Variants in ARHGAP1 observed in about 807,000 individuals in gnomAD.
ARHGAP1 encodes the protein Rho GTPase activating protein 1, also known as rho GTPase-activating protein 1.
Under a neutral mutation model 52.2 loss-of-function variants are expected in ARHGAP1, and 23 were observed. The ratio of observed to expected loss-of-function variants is 0.44; its 90% CI spans 0.32 to 0.62. The LOEUF (loss-of-function observed/expected upper bound fraction) is 0.62. Among genes scored for constraint, ARHGAP1 ranks in the 20% least tolerant of loss-of-function variants. The probability of loss-of-function intolerance (pLI) is 0.05; values close to 1 mark genes in which losing one functional copy is unlikely to be tolerated. For missense variants in ARHGAP1, 480 were observed against 560.9 expected (o/e 0.86, Z 1.46); for synonymous variants, 210 against 228.4 (o/e 0.92, Z 0.73).
chr11:46,679,596 C>T lies in ARHGAP1; in HGVS notation c.1027+52G>A, dbSNP rs992036453. 1.5e-5 allele frequency: 24 copies of T among 1,611,366 alleles called. No homozygotes were observed. Among genetic ancestry groups the T allele is most frequent in the South Asian group, 7.7e-5 (7 of 90,958 alleles). The stretch of plus-strand genomic sequence containing the variant: ...GGCGCCTAGGCCCGAAAGCCTGCAG[C>T]GCACCTGCCCCAAGTCCAGCCCCAG... On this transcript the variant is annotated intron_variant, in intron 11 of 12. Transcript: ENST00000311956. The surrounding 1 kb of genome is among the most constrained non-coding windows in gnomAD (Gnocchi z 4.4).
Position 46,688,259 on chromosome 11 carries a change from T to G in ARHGAP1, c.231A>C (p.Gly77=). The G allele has an allele frequency of 6.2e-7, 1 of 1,613,338 alleles. No individual in the cohort carries two copies. Among genetic ancestry groups the G allele is most frequent in the Non-Finnish European group, 8.5e-7 (1 of 1,179,646 alleles). Residue 77 remains glycine (G), a splice_region_variant and synonymous_variant, in exon 4 of 13, where the codon GGA becomes GGC. Transcript: ENST00000311956. ...IARHQIVEVA[G]DDKYGRKIIV... ...TGATCTTCCGCCCATACTTGTCATC[T>G]CCTAGGTGTGGAGAAAGATGGAGCA...
At position 46,681,143 on chromosome 11, in the gene ARHGAP1, G is replaced by A; in HGVS notation, c.537-34C>T. The A allele has an allele frequency of 3.8e-6, 6 of 1,595,586 alleles. No individual in the cohort carries two copies. Among genetic ancestry groups the A allele is most frequent in the Non-Finnish European group, 5.2e-6 (6 of 1,163,266 alleles). On this transcript the variant is annotated intron_variant, in intron 6 of 12. Transcript: ENST00000311956. The surrounding 1 kb of genome is among the most constrained non-coding windows in gnomAD (Gnocchi z 5.7). ...GGAAGAAAGGGCCTGGGTTGTGGGGGCCCGCTTCCGGTGGCCTCCACTCTC... is the reference window on the plus strand; with the variant it reads ...GGAAGAAAGGGCCTGGGTTGTGGGGACCCGCTTCCGGTGGCCTCCACTCTC...
intron 3 of ARHGAP1, chr11:46,695,261 G>A (rs1300527563): frequency 9.3e-5 from 33 of 354,042 alleles, no homozygotes; most frequent in South Asian, 5.6e-4. Context: ...ACTTCCCTAG[G>A]GCTACAATTT....
rs1345239193 is a variant in ARHGAP1, at chr11:46,678,909, G to T, written c.*128C>A. On this transcript the variant is annotated 3_prime_UTR_variant, in exon 13 of 13. Coordinates refer to ENST00000311956, the MANE Select transcript of ARHGAP1 (RefSeq NM_004308.5). Reference sequence around the variant, plus strand: ...GGGCCGTGAGGCGGGCTGGACAGAGGTGGGGGAGAGCATGCCTGATGGGTG... The same window carrying T: ...GGGCCGTGAGGCGGGCTGGACAGAGTTGGGGGAGAGCATGCCTGATGGGTG... 6 of 1,092,340 alleles carry T rather than the reference G, an allele frequency of 5.5e-6. No individual in the cohort carries two copies. Among genetic ancestry groups the T allele is most frequent in the Non-Finnish European group, 3.9e-6 (3 of 769,850 alleles). The allele number at this position is 1,092,340 out of a possible 1,614,324, so 67.7% of individuals were successfully genotyped here. A position where few individuals can be genotyped will look rare whatever the true frequency, so the allele number is the denominator to read the frequency against.
chr11:46,695,892 C>A (rs1007066951), intron 2 of ARHGAP1, 83 bp downstream of exon 2: 59 of 1,607,292 alleles, frequency 3.7e-5, no homozygotes, highest in Non-Finnish European at 4.7e-5. Context: ...CCCCATCCTG[C>A]CCTCCTGGCG....
intron 3 of ARHGAP1, 70 bp downstream of exon 3, chr11:46,695,590 T>G: frequency 1.4e-6 from 2 of 1,416,480 alleles, no homozygotes; most frequent in African/African-American, 1.4e-5. Flanking sequence ...CCTTCCCCTG[T>G]GGTGTGAAGG....
chr11:46,684,278 A>G (rs1048100709), intron 4 of ARHGAP1, among the ~76,000 whole-genome samples: 3 of 152,250 alleles, frequency 2.0e-5, no homozygotes, highest in African/African-American at 7.2e-5. Context: ...AATAGCAAAG[A>G]TTGTAGTGAA....
chr11:46,681,165 T>C lies in ARHGAP1; in HGVS notation c.537-56A>G, dbSNP rs2064524658. On this transcript the variant is annotated intron_variant, in intron 6 of 12. Coordinates refer to ENST00000311956, the MANE Select transcript of ARHGAP1 (RefSeq NM_004308.5). The surrounding 1 kb of genome is among the most constrained non-coding windows in gnomAD (Gnocchi z 5.7). Reference sequence around the variant, plus strand: ...GGGGCCCGCTTCCGGTGGCCTCCACTCTCCCCTCAACACCCACCCAGTTCA... The same window carrying C: ...GGGGCCCGCTTCCGGTGGCCTCCACCCTCCCCTCAACACCCACCCAGTTCA... 1 of 1,559,156 alleles carries C rather than the reference T, an allele frequency of 6.4e-7. No individual in the cohort carries two copies. The highest frequency in any genetic ancestry group is 8.8e-7 in the Non-Finnish European group (1 of 1,130,296).
chr11:46,678,931 G>T lies in ARHGAP1; in HGVS notation c.*106C>A. 7.8e-7 allele frequency: 1 copy of T among 1,283,634 alleles called. No homozygotes were observed. Among genetic ancestry groups the T allele is most frequent in the South Asian group, 1.4e-5 (1 of 69,646 alleles). 79.5% of individuals were successfully genotyped at this position (1,283,634 alleles called of 1,614,324 possible). ...GAGGTGGGGGAGAGCATGCCTGATG[G>T]GTGGCTCCAACATCTCTCTCCAGGG... is the stretch of plus-strand genomic sequence containing the variant. On this transcript the variant is annotated 3_prime_UTR_variant, in exon 13 of 13. Transcript: ENST00000311956.
At chr11:46,685,329 C>CT (rs56789699) in intron 4 of ARHGAP1, among the ~76,000 whole-genome samples, 16,917 of 135,664 alleles carry the variant, frequency 0.12, 1,703 homozygotes, top group East Asian at 0.59. Flanking sequence ...CATGTATATT[C>CT]TTTTTTTTTT....
Position 46,680,958 on chromosome 11 carries a change from C to T in ARHGAP1, c.635+53G>A, listed in dbSNP as rs2064521270. 3 of 1,504,512 alleles carry T rather than the reference C, an allele frequency of 2.0e-6. No homozygotes were observed. The highest frequency in any genetic ancestry group is 3.3e-5 in the Admixed American group (2 of 59,762). The allele number at this position is 1,504,512 out of a possible 1,614,324, so 93.2% of individuals were successfully genotyped here. A position where few individuals can be genotyped will look rare whatever the true frequency, so the allele number is the denominator to read the frequency against. ...CCCACGCGGTCTCTGAATCAGGACA[C>T]ACGTCCTCATTACCCTGGCTTCACG... On this transcript the variant is annotated intron_variant, in intron 7 of 12. Transcript: ENST00000311956. This position sits in a 1 kb window ranked among gnomAD's most constrained non-coding sequence, Gnocchi z 5.9.
Position 46,680,100 on chromosome 11 carries a change from C to T in ARHGAP1, c.898+105G>A. On this transcript the variant is annotated intron_variant, in intron 10 of 12. Coordinates refer to ENST00000311956, the MANE Select transcript of ARHGAP1 (RefSeq NM_004308.5). The surrounding 1 kb of genome is among the most constrained non-coding windows in gnomAD (Gnocchi z 5.9). ...TGACACCCAGAGCCACGGAAACCTC[C>T]AGCAGGAAGAGACTCTGAGACTCTC... is the stretch of plus-strand genomic sequence containing the variant. The T allele has an allele frequency of 7.3e-7, 1 of 1,368,570 alleles. No homozygotes were observed. The allele number at this position is 1,368,570 out of a possible 1,614,324, so 84.8% of individuals were successfully genotyped here.
intron 4 of ARHGAP1, among the ~76,000 whole-genome samples, chr11:46,683,366 T>C (rs1460597574): frequency 2.0e-5 from 3 of 151,882 alleles, no homozygotes; most frequent in African/African-American, 4.8e-5. Flanking sequence ...TTCTTGACCA[T>C]GGGACAGCTT....
intron 4 of ARHGAP1, among the ~76,000 whole-genome samples, chr11:46,686,280 G>GGAGCCACAAGAGACTTGTGGCGCC (rs1191004154): frequency 6.6e-6 from 1 of 151,560 alleles, no homozygotes; most frequent in East Asian, 2.0e-4. Flanking sequence ...CGCTGGACGA[G>GGAGCCACAAGAGACTTGTGGCGCC]GAGCCACAAG....
chr11:46,683,643 C>CT (rs199922376), intron 4 of ARHGAP1, among the ~76,000 whole-genome samples: 242 of 144,336 alleles, frequency 1.7e-3, no homozygotes, highest in East Asian at 4.3e-3. Context: ...AAGCCCTCTC[C>CT]TTTTTTTTTT....
chr11:46,683,768 G>A (rs2064546838), intron 4 of ARHGAP1, among the ~76,000 whole-genome samples: 1 of 152,024 alleles, frequency 6.6e-6, no homozygotes, highest in African/African-American at 2.4e-5. Context: ...AGCCTCCCAA[G>A]TAGCTGGGAT....
intron 3 of ARHGAP1, among the ~76,000 whole-genome samples, chr11:46,692,791 G>A (rs571956138): frequency 2.6e-5 from 4 of 151,730 alleles, no homozygotes; most frequent in Admixed American, 6.6e-5. Context: ...GGGTTCAAAC[G>A]ATTCTCCTGC....
chr11:46,679,925 C>A lies in ARHGAP1; in HGVS notation c.899-149G>T, dbSNP rs2064510808. 5 of 1,280,900 alleles carry A rather than the reference C, an allele frequency of 3.9e-6. No individual in the cohort carries two copies. Among genetic ancestry groups the A allele is most frequent in the African/African-American group, 1.5e-5 (1 of 66,984 alleles). 79.3% of individuals were successfully genotyped at this position (1,280,900 alleles called of 1,614,324 possible). On this transcript the variant is annotated intron_variant, in intron 10 of 12. Coordinates refer to ENST00000311956, the MANE Select transcript of ARHGAP1 (RefSeq NM_004308.5). This position sits in a 1 kb window ranked among gnomAD's most constrained non-coding sequence, Gnocchi z 4.4. ...GCCCTCTGACACCTGCCTCCCTCTT[C>A]CTCTGTGATCAGAGAATGCAGGTTC...
chr11:46,683,037 CTTTTTT>C lies in ARHGAP1; in HGVS notation c.318-861_318-856del, dbSNP rs66603634. Among the ~76,000 whole-genome samples the C allele has an allele frequency of 4.6e-5, 5 of 108,784 alleles. No homozygotes were observed. The East Asian group carries it at 8.3e-4, about 18-fold the overall frequency. 71.4% of individuals were successfully genotyped at this position (108,784 alleles called of 152,430 possible). On this transcript the variant is annotated intron_variant, in intron 4 of 12. Transcript: ENST00000311956. ...GTGAAGTGTCTAACACCAAAGCCTG[CTTTTTT>C]TTTTTTTTTTTTTTTGAGACAGGGT...
Sources: gnomAD v4.1 joint callset for allele counts (sites outside exome capture counted in the v4.1 genomes callset) on GRCh38, gnomAD v4.1.1 for gene constraint, Gnocchi (gnomAD v3.1) non-coding constraint, MANE v1.5 for transcripts, NCBI Gene and HGNC (gene_info 2026-07-23, HGNC 2026-07-21) for gene names.